DENND1B: variants seen among roughly 807,000 people sequenced by gnomAD.
The protein encoded by DENND1B is DENN domain containing 1B, also known as DENN domain-containing protein 1B.
Under a neutral mutation model 90.1 loss-of-function variants are expected in DENND1B, and 59 were observed. The observed-to-expected ratio is 0.65, with a 90% confidence interval of 0.53 to 0.81. The LOEUF (loss-of-function observed/expected upper bound fraction) is 0.81, where lower values mean the gene tolerates loss of function less well. Ranked by LOEUF, DENND1B falls within the 40% of genes least tolerant of loss-of-function variation. DENND1B has a pLI of 0.00. For missense variants in DENND1B, 862 were observed against 912.6 expected (o/e 0.94, Z 0.71); for synonymous variants, 337 against 324.6 (o/e 1.04, Z -0.41).
At chr1:197,706,863 T>G (rs773900279) in intron 3 of DENND1B, among the ~76,000 whole-genome samples, 1 of 152,150 alleles carries the variant, frequency 6.6e-6, no homozygotes. Context: ...TAAAAAATAG[T>G]ATGGAAGTTC....
intron 14 of DENND1B, among the ~76,000 whole-genome samples, chr1:197,590,878 C>T (rs1675141916): frequency 1.3e-5 from 2 of 152,172 alleles, no homozygotes; most frequent in Admixed American, 1.3e-4. Flanking sequence ...CTCCCCGCCT[C>T]TGGTCTTGCT....
chr1:197,755,159 T>C (rs1654115685), intron 2 of DENND1B, among the ~76,000 whole-genome samples: 1 of 152,220 alleles, frequency 6.6e-6, no homozygotes, highest in Non-Finnish European at 1.5e-5. Flanking sequence ...TGAGGTTTAC[T>C]GGAAAAAGTG....
At chr1:197,771,952 G>A (rs144651563) in intron 2 of DENND1B, among the ~76,000 whole-genome samples, 16 of 152,286 alleles carry the variant, frequency 1.1e-4, no homozygotes, top group Admixed American at 4.6e-4. Flanking sequence ...CAAAAGTGGA[G>A]GGAAATGATG....
intron 10 of DENND1B, among the ~76,000 whole-genome samples, chr1:197,634,771 T>G (rs757970371): frequency 6.6e-6 from 1 of 152,168 alleles, no homozygotes; most frequent in Non-Finnish European, 1.5e-5. Context: ...GGAGTGTTGC[T>G]TGAGCCCAGG....
intron 15 of DENND1B, among the ~76,000 whole-genome samples, chr1:197,557,484 ACT>A (rs1249066122): frequency 1.3e-5 from 2 of 151,934 alleles, no homozygotes; most frequent in Admixed American, 6.6e-5. Flanking sequence ...ATGAGTAACT[ACT>A]CTGTCTTACT....
intron 1 of DENND1B, among the ~76,000 whole-genome samples, chr1:197,773,238 T>C (rs1656846779): frequency 6.6e-6 from 1 of 152,228 alleles, no homozygotes; most frequent in Non-Finnish European, 1.5e-5. Flanking sequence ...ATAACATATG[T>C]GCAAGTACTT....
At chr1:197,648,035 A>G (rs1680889937) in intron 7 of DENND1B, among the ~76,000 whole-genome samples, 1 of 152,170 alleles carries the variant, frequency 6.6e-6, no homozygotes, top group Non-Finnish European at 1.5e-5. Flanking sequence ...GTGTATAAGA[A>G]GGCTTAATTA....
At chr1:197,779,460 G>C (rs955127491), upstream of DENND1B, among the ~76,000 whole-genome samples, 2 of 151,998 alleles carry the variant, frequency 1.3e-5, no homozygotes, top group Non-Finnish European at 2.9e-5. Context: ...ACTTTCATCA[G>C]TTCTGGAAAA....
chr1:197,625,388 C>T (rs573741271), intron 10 of DENND1B, among the ~76,000 whole-genome samples: 71 of 152,186 alleles, frequency 4.7e-4, no homozygotes, highest in African/African-American at 1.5e-3. Flanking sequence ...GAATTTTCAA[C>T]CCAGAATTTC....
intron 16 of DENND1B, among the ~76,000 whole-genome samples, chr1:197,550,457 A>C (rs1281525367): frequency 6.6e-6 from 1 of 152,096 alleles, no homozygotes; most frequent in Non-Finnish European, 1.5e-5. Context: ...TGTGGCACAT[A>C]TACACCATGG....
At chr1:197,626,807 G>C (rs1678787935) in intron 10 of DENND1B, among the ~76,000 whole-genome samples, 1 of 151,872 alleles carries the variant, frequency 6.6e-6, no homozygotes, top group African/African-American at 2.4e-5. Flanking sequence ...AGAAAAGAGA[G>C]AAGAATCAAA....
chr1:197,555,476 A>G (rs1203292775), intron 15 of DENND1B, among the ~76,000 whole-genome samples: 1 of 152,170 alleles, frequency 6.6e-6, no homozygotes. Context: ...CAAAGGACTA[A>G]TATCCAGAAT....
chr1:197,604,413 ATAT>A (rs1341527362), intron 13 of DENND1B, among the ~76,000 whole-genome samples: 1 of 151,234 alleles, frequency 6.6e-6, no homozygotes, highest in Non-Finnish European at 1.5e-5. Flanking sequence ...TAAATCTAAA[ATAT>A]TATGTGTGAA....
chr1:197,672,376 T>C (rs1209350609), intron 4 of DENND1B, among the ~76,000 whole-genome samples: 1 of 152,022 alleles, frequency 6.6e-6, no homozygotes, highest in Non-Finnish European at 1.5e-5. Flanking sequence ...GTTCAGCATA[T>C]ATTAATCTCT....
rs1340081104 is a variant in DENND1B, at chr1:197,506,373, T to C, written c.*4087A>G. The C allele has an allele frequency of 6.6e-6, 1 of 151,500 alleles. No individual in the cohort carries two copies. The highest frequency in any genetic ancestry group is 1.5e-5 in the Non-Finnish European group (1 of 67,604). 9.4% of individuals were successfully genotyped at this position (151,500 alleles called of 1,614,324 possible). On this transcript the variant is annotated 3_prime_UTR_variant, in exon 23 of 23. Coordinates refer to ENST00000620048, the MANE Select transcript of DENND1B (RefSeq NM_001195215.2). ...TGACCCAGGAACATTAGTACTGACA[T>C]AGGGTTTGTAAAAACTATTTCCTAC...
intron 15 of DENND1B, among the ~76,000 whole-genome samples, chr1:197,566,195 G>A (rs1418655296): frequency 1.3e-5 from 2 of 152,128 alleles, no homozygotes; most frequent in Admixed American, 6.6e-5. Context: ...ACTGGTGTGA[G>A]ATGGTATCTC....
At chr1:197,706,013 T>C (rs1164142601) in intron 3 of DENND1B, among the ~76,000 whole-genome samples, 1 of 131,140 alleles carries the variant, frequency 7.6e-6, no homozygotes, top group Non-Finnish European at 1.7e-5. Flanking sequence ...TAAGTCAGAT[T>C]GACTTTCACA....
chr1:197,592,098 G>C (rs1329799533), intron 14 of DENND1B, among the ~76,000 whole-genome samples: 1 of 88,828 alleles, frequency 1.1e-5, no homozygotes, highest in Non-Finnish European at 2.0e-5. Flanking sequence ...GACAGAGTGA[G>C]ATTCCATCTC....
intron 20 of DENND1B, among the ~76,000 whole-genome samples, chr1:197,522,814 A>G: frequency 6.6e-6 from 1 of 152,112 alleles, no homozygotes; most frequent in Non-Finnish European, 1.5e-5. Context: ...GAGAGACAGG[A>G]TTAATTTCAC....
Sources: gnomAD v4.1 joint callset for allele counts (sites outside exome capture counted in the v4.1 genomes callset) on GRCh38, gnomAD v4.1.1 for gene constraint, MANE v1.5 for transcripts, NCBI Gene and HGNC (gene_info 2026-07-23, HGNC 2026-07-21) for gene names.